The following RAPGEF6 variants were observed in gnomAD, a reference collection of about 807,000 sequenced individuals.
RAPGEF6 encodes Rap guanine nucleotide exchange factor 6, also known as PDZ domain containing guanine nucleotide exchange factor (GEF) 2.
A neutral mutation model predicts 171.4 loss-of-function variants in RAPGEF6; 56 were observed. The ratio of observed to expected loss-of-function variants is 0.33; its 90% CI spans 0.26 to 0.41. The LOEUF (loss-of-function observed/expected upper bound fraction) is 0.41, where lower values mean the gene tolerates loss of function less well. Ranked by LOEUF, RAPGEF6 falls within the 10% of genes least tolerant of loss-of-function variation. RAPGEF6 has a pLI of 1.00. For missense variants in RAPGEF6, 1,674 were observed against 1,921.4 expected (o/e 0.87, Z 2.41); for synonymous variants, 692 against 650.1 (o/e 1.06, Z -0.98).
intron 7 of RAPGEF6, among the ~76,000 whole-genome samples, chr5:131,512,065 A>G (rs932725770): frequency 6.6e-6 from 1 of 152,156 alleles, no homozygotes; most frequent in Non-Finnish European, 1.5e-5. Context: ...GGAAATAGGA[A>G]AGGGAATGGG....
chr5:131,458,829 T>C (rs1472894051), intron 19 of RAPGEF6, among the ~76,000 whole-genome samples: 1 of 152,178 alleles, frequency 6.6e-6, no homozygotes, highest in Non-Finnish European at 1.5e-5. Flanking sequence ...AATTTTTTTG[T>C]ATTTTTAGTA....
At chr5:131,559,500 T>C (rs1321532024) in intron 5 of RAPGEF6, among the ~76,000 whole-genome samples, 2 of 152,062 alleles carry the variant, frequency 1.3e-5, no homozygotes, top group Non-Finnish European at 2.9e-5. Context: ...TACAGTACCA[T>C]TCTTACATTA....
chr5:131,508,133 A>G lies in RAPGEF6; in HGVS notation c.880T>C (p.Ser294Pro). Residue 294 changes from serine to proline, a missense_variant, in exon 9 of 28, where the codon TCA (serine) becomes CCA (proline). Coordinates refer to ENST00000509018, the MANE Select transcript of RAPGEF6 (RefSeq NM_016340.6). ...TCTACCACTTCAAAAATCATCACTG[A>G]GCAGAGTTCTCTCCTTACAGACATG... ...MTMSVRRELCSVMIFEVVEQA... is the reference protein window; with the variant it reads ...MTMSVRRELCPVMIFEVVEQA... 1 of 1,613,598 alleles carries G rather than the reference A, an allele frequency of 6.2e-7. No homozygotes were observed. The highest frequency in any genetic ancestry group is 1.1e-5 in the South Asian group (1 of 91,032).
At chr5:131,518,449 G>C (rs533249406) in intron 7 of RAPGEF6, among the ~76,000 whole-genome samples, 2 of 150,918 alleles carry the variant, frequency 1.3e-5, no homozygotes, top group South Asian at 4.2e-4. Context: ...CCAGGCTGGA[G>C]TGCAATGGCG....
At chr5:131,536,601 G>A (rs904539620) in intron 6 of RAPGEF6, among the ~76,000 whole-genome samples, 7 of 152,126 alleles carry the variant, frequency 4.6e-5, no homozygotes, top group Non-Finnish European at 8.8e-5. Context: ...CCCTTAGGGA[G>A]TAATAGAGGA....
Position 131,424,667 on chromosome 5 carries a change from T to C in RAPGEF6, c.*2599A>G, listed in dbSNP as rs867210561. 3.3e-5 allele frequency: 5 copies of C among 152,358 alleles called. No individual in the cohort carries two copies. Among genetic ancestry groups the C allele is most frequent in the African/African-American group, 1.2e-4 (5 of 41,468 alleles). 9.4% of individuals were successfully genotyped at this position (152,358 alleles called of 1,614,324 possible). On this transcript the variant is annotated 3_prime_UTR_variant, in exon 28 of 28. Transcript: ENST00000509018. ...AGGCTTTTTCTCCCCAAAGATCATA[T>C]TGAAAGTAATCATTTGGAGTAAATT... is the stretch of plus-strand genomic sequence containing the variant.
At chr5:131,467,804 G>C (rs1754463325) in intron 17 of RAPGEF6, among the ~76,000 whole-genome samples, 1 of 152,154 alleles carries the variant, frequency 6.6e-6, no homozygotes, top group Non-Finnish European at 1.5e-5. Flanking sequence ...GGCTGAGGTG[G>C]GCAGACCACT....
chr5:131,604,870 G>C (rs1764460771), intron 1 of RAPGEF6, among the ~76,000 whole-genome samples, 177 bp from the exon 2 acceptor site: 1 of 152,172 alleles, frequency 6.6e-6, no homozygotes, highest in African/African-American at 2.4e-5. Context: ...AGATCCCTCA[G>C]CTCTCAAAGG....
intron 5 of RAPGEF6, among the ~76,000 whole-genome samples, chr5:131,553,982 G>T (rs779959181): frequency 1.3e-5 from 2 of 151,678 alleles, no homozygotes; most frequent in Non-Finnish European, 1.5e-5. Context: ...AATTTTTGAT[G>T]CCCAAAGCAG....
At chr5:131,473,393 T>A (rs1321204040) in intron 16 of RAPGEF6, among the ~76,000 whole-genome samples, 1 of 152,222 alleles carries the variant, frequency 6.6e-6, no homozygotes, top group Non-Finnish European at 1.5e-5. Flanking sequence ...TAAAATATTT[T>A]AGAAATGTGA....
intron 24 of RAPGEF6, among the ~76,000 whole-genome samples, chr5:131,433,971 T>G (rs188641003): frequency 2.2e-4 from 33 of 152,328 alleles, no homozygotes; most frequent in African/African-American, 7.2e-4. Context: ...TATAATCATT[T>G]AATAAAATAA....
At position 131,518,171 on chromosome 5, in the gene RAPGEF6, G is replaced by A. The variant is rs183501649; in HGVS notation, c.627+3219C>T. On this transcript the variant is annotated intron_variant, in intron 7 of 27. Coordinates refer to ENST00000509018, the MANE Select transcript of RAPGEF6 (RefSeq NM_016340.6). ...ATACAGGTATATATATTTATTTAAC[G>A]AAATATAAATAAAATGTTAAAAATA... Among the ~76,000 whole-genome samples the A allele has an allele frequency of 5.3e-3, 800 of 151,404 alleles. 5 individuals carry two copies. The highest frequency in any genetic ancestry group is 0.018 in the African/African-American group (761 of 41,326).
chr5:131,435,765 A>G (rs1370646182), intron 24 of RAPGEF6: 2 of 1,177,204 alleles, frequency 1.7e-6, no homozygotes, highest in Non-Finnish European at 2.3e-6. Flanking sequence ...AGAAAACAAG[A>G]GTATAAAATT....
chr5:131,466,452 G>C (rs73254523), intron 17 of RAPGEF6, among the ~76,000 whole-genome samples: 2 of 152,272 alleles, frequency 1.3e-5, no homozygotes, highest in African/African-American at 4.8e-5. Context: ...GAAAGGTTTG[G>C]CTGTGTCCCC....
At chr5:131,589,814 A>AG (rs1292140451) in intron 4 of RAPGEF6, among the ~76,000 whole-genome samples, 16 of 152,212 alleles carry the variant, frequency 1.1e-4, no homozygotes, top group Middle Eastern at 3.4e-3. Flanking sequence ...CATCCTGGTA[A>AG]GGGGGGTCTC....
chr5:131,598,496 T>G (rs2150009652), intron 3 of RAPGEF6, among the ~76,000 whole-genome samples: 1 of 152,254 alleles, frequency 6.6e-6, no homozygotes, highest in South Asian at 2.1e-4. Context: ...AAACCATACC[T>G]AGCAACATTA....
chr5:131,616,976 C>A (rs1765302715), intron 1 of RAPGEF6, among the ~76,000 whole-genome samples: 2 of 152,196 alleles, frequency 1.3e-5, no homozygotes, highest in Non-Finnish European at 2.9e-5. Flanking sequence ...TCATTCTCTT[C>A]TTAACCTAGA....
At chr5:131,625,477 C>T (rs1324015472) in intron 1 of RAPGEF6, among the ~76,000 whole-genome samples, 1 of 152,036 alleles carries the variant, frequency 6.6e-6, no homozygotes, top group Non-Finnish European at 1.5e-5. Flanking sequence ...GGTCCAGGAC[C>T]TTATCTCACA....
chr5:131,597,097 T>C (rs1242228274), intron 3 of RAPGEF6, among the ~76,000 whole-genome samples: 1 of 151,852 alleles, frequency 6.6e-6, no homozygotes, highest in Admixed American at 6.6e-5. Flanking sequence ...GACATAAAAA[T>C]AGCCAATAGG....
Sources: allele counts gnomAD v4.1 joint callset (sites outside exome capture counted in the v4.1 genomes callset), GRCh38; gene constraint gnomAD v4.1.1; transcripts MANE v1.5; gene names NCBI Gene and HGNC (gene_info 2026-07-23, HGNC 2026-07-21).